Variants in STK39 observed in about 807,000 individuals in gnomAD.
The protein encoded by STK39 is serine/threonine kinase 39.
A neutral mutation model predicts 77.8 loss-of-function variants in STK39; 20 were observed. The ratio of observed to expected loss-of-function variants is 0.26; its 90% CI spans 0.18 to 0.37. STK39 has a LOEUF of 0.37. Ranked by LOEUF, STK39 falls within the 10% of genes least tolerant of loss-of-function variation. STK39 has a pLI of 1.00. For synonymous variants in STK39, 246 were observed against 234.1 expected (o/e 1.05, Z -0.47); for missense variants, 479 against 656.5 (o/e 0.73, Z 2.95).
chr2:168,207,312 A>AAG (rs1311891111), intron 1 of STK39, among the ~76,000 whole-genome samples: 1 of 152,232 alleles, frequency 6.6e-6, no homozygotes, highest in Middle Eastern at 3.2e-3. Context: ...CTAACGAGGG[A>AAG]AGTAACTGAA....
At chr2:168,091,885 A>T (rs1686535572) in intron 10 of STK39, among the ~76,000 whole-genome samples, 1 of 152,194 alleles carries the variant, frequency 6.6e-6, no homozygotes, top group African/African-American at 2.4e-5. Flanking sequence ...TGCTTCTCTG[A>T]TAAGGACATT....
At chr2:168,057,407 G>T (rs992404898) in intron 14 of STK39, among the ~76,000 whole-genome samples, 1 of 152,212 alleles carries the variant, frequency 6.6e-6, no homozygotes, top group African/African-American at 2.4e-5. Flanking sequence ...TGGCCAGGCT[G>T]ATCTCGAACT....
chr2:168,215,048 C>T (rs779449075), intron 1 of STK39, among the ~76,000 whole-genome samples: 5 of 152,176 alleles, frequency 3.3e-5, no homozygotes, highest in Non-Finnish European at 7.3e-5. Flanking sequence ...GTTTTCAACA[C>T]CGTATTTGCG....
chr2:168,198,202 T>A (rs1456781385), intron 1 of STK39, among the ~76,000 whole-genome samples: 1 of 152,122 alleles, frequency 6.6e-6, no homozygotes, highest in Non-Finnish European at 1.5e-5. Flanking sequence ...ATAGCCACAA[T>A]AATTATGACT....
At chr2:168,136,091 G>C (rs186859918) in intron 8 of STK39, among the ~76,000 whole-genome samples, 1 of 151,474 alleles carries the variant, frequency 6.6e-6, no homozygotes, top group Admixed American at 6.6e-5. Flanking sequence ...AAAATGGACC[G>C]GGTGCGGTAG....
Position 168,247,290 on chromosome 2 carries a change from G to C in STK39, c.146C>G (p.Pro49Arg). 1 of 1,019,418 alleles carries C rather than the reference G, an allele frequency of 9.8e-7. No homozygotes were observed. The highest frequency in any genetic ancestry group is 1.2e-6 in the Non-Finnish European group (1 of 847,410). 63.1% of individuals were successfully genotyped at this position (1,019,418 alleles called of 1,614,324 possible). The change falls in exon 1 of 18, where the codon CCG becomes CGG. Residue 49 changes from proline (P) to arginine (R), a missense_variant. Physicochemically the swap from Pro to Arg is moderately radical, Grantham distance 103 (BLOSUM62 -2). This residue lies in a region of STK39 where 96 missense variants were observed against 79.1 expected (regional missense o/e 1.21). Transcript: ENST00000355999. ...APAAPAPAPA[P>R]AAQAVGWPIC... ...GGGCCAGCCGACAGCCTGTGCCGCC[G>C]GGGCCGGGGCCGGGGCCGGGGCCGC... is the stretch of plus-strand genomic sequence containing the variant.
chr2:168,131,453 T>C (rs1239181159), intron 8 of STK39, among the ~76,000 whole-genome samples: 1 of 152,096 alleles, frequency 6.6e-6, no homozygotes, highest in Non-Finnish European at 1.5e-5. Flanking sequence ...TGCTTTGGAA[T>C]CAGGAAGCTC....
At chr2:168,098,344 T>C (rs1686729361) in intron 10 of STK39, among the ~76,000 whole-genome samples, 1 of 152,186 alleles carries the variant, frequency 6.6e-6, no homozygotes, top group Non-Finnish European at 1.5e-5. Flanking sequence ...TAAAGGAAGA[T>C]GAGAAATCCG....
At chr2:168,060,156 ATT>A (rs1369166500) in intron 14 of STK39, among the ~76,000 whole-genome samples, 1 of 151,986 alleles carries the variant, frequency 6.6e-6, no homozygotes, top group Non-Finnish European at 1.5e-5. Flanking sequence ...TCCAACAATA[ATT>A]TCTCAGAGAT....
chr2:168,036,543 A>T (rs893213853), intron 14 of STK39, among the ~76,000 whole-genome samples: 1 of 152,218 alleles, frequency 6.6e-6, no homozygotes, highest in Non-Finnish European at 1.5e-5. Context: ...AAGATTAAAA[A>T]TGTTTATCCA....
intron 15 of STK39, among the ~76,000 whole-genome samples, chr2:168,016,418 A>ACCC (rs1684411283): frequency 1.4e-5 from 2 of 145,374 alleles, no homozygotes; most frequent in African/African-American, 5.1e-5. Context: ...AAAAAACAAC[A>ACCC]CTACTGAACA....
intron 1 of STK39, among the ~76,000 whole-genome samples, chr2:168,190,837 A>G (rs1242689715): frequency 2.6e-5 from 4 of 152,052 alleles, no homozygotes; most frequent in Non-Finnish European, 5.9e-5. Flanking sequence ...ATATTGAAAA[A>G]CTTCCTGTTC....
chr2:168,166,358 T>G (rs1317742812), intron 3 of STK39, among the ~76,000 whole-genome samples: 1 of 152,186 alleles, frequency 6.6e-6, no homozygotes, highest in East Asian at 1.9e-4. Context: ...TTAAAAGAAA[T>G]AAAATACAGG....
chr2:168,068,866 A>C (rs1454407940), intron 12 of STK39, among the ~76,000 whole-genome samples: 2 of 152,218 alleles, frequency 1.3e-5, no homozygotes, highest in African/African-American at 4.8e-5. Flanking sequence ...ATATGGGTAT[A>C]GAACAAACAC....
At chr2:168,150,578 A>G (rs1688253486) in intron 5 of STK39, among the ~76,000 whole-genome samples, 1 of 152,110 alleles carries the variant, frequency 6.6e-6, no homozygotes, top group Non-Finnish European at 1.5e-5. Context: ...TTCTTTGCAC[A>G]GATTTATGTG....
chr2:168,096,510 T>G (rs192094990), intron 10 of STK39, among the ~76,000 whole-genome samples: 6 of 152,336 alleles, frequency 3.9e-5, no homozygotes, highest in African/African-American at 1.4e-4. Context: ...TACTGAATTC[T>G]ACCCTGGAAA....
At position 168,239,793 on chromosome 2, in the gene STK39, A is replaced by G. The variant is rs1198100083; in HGVS notation, c.208+7435T>C. Among the ~76,000 whole-genome samples, 4 of 152,368 alleles carry G rather than the reference A, an allele frequency of 2.6e-5. No homozygotes were observed. The East Asian group carries it at 7.7e-4, about 29-fold the overall frequency. On this transcript the variant is annotated intron_variant, in intron 1 of 17. Coordinates refer to ENST00000355999, the MANE Select transcript of STK39 (RefSeq NM_013233.3). Reference sequence around the variant, plus strand: ...CAGTCTAGAGCCAGGCTGGCAAGGAAAATACAATTTGCAGATAGTGTGACA... The same window carrying G: ...CAGTCTAGAGCCAGGCTGGCAAGGAGAATACAATTTGCAGATAGTGTGACA...
intron 16 of STK39, among the ~76,000 whole-genome samples, chr2:167,982,832 G>A (rs1386000888): frequency 6.6e-6 from 1 of 152,152 alleles, no homozygotes; most frequent in Non-Finnish European, 1.5e-5. Context: ...AGTTATAAAA[G>A]CTTCTCTTCA....
At chr2:168,107,463 T>G (rs1342982917) in intron 10 of STK39, among the ~76,000 whole-genome samples, 1 of 152,210 alleles carries the variant, frequency 6.6e-6, no homozygotes, top group African/African-American at 2.4e-5. Flanking sequence ...TTATATTTAG[T>G]GCATGACAAG....
Sources: gnomAD v4.1 joint callset for allele counts (sites outside exome capture counted in the v4.1 genomes callset) on GRCh38, gnomAD v4.1.1 for gene constraint, gnomAD v4.1.1 regional missense constraint, MANE v1.5 for transcripts, NCBI Gene and HGNC (gene_info 2026-07-23, HGNC 2026-07-21) for gene names.